Variants in OR2L8 observed in about 807,000 individuals in gnomAD.
OR2L8 encodes olfactory receptor 2L8.
For synonymous variants in OR2L8, 123 were observed against 138.6 expected (o/e 0.89, Z 0.79); for missense variants, 324 against 376.0 (o/e 0.86, Z 1.14).
rs762317056 is a variant in OR2L8 at position 247,949,227 on chromosome 1, G to A, written c.370G>A (p.Ala124Thr). The A allele has an allele frequency of 1.2e-6, 2 of 1,614,196 alleles. No individual in the cohort carries two copies. The highest frequency in any genetic ancestry group is 1.7e-6 in the Non-Finnish European group (2 of 1,180,034). The stretch of plus-strand genomic sequence containing the variant: ...ATCTATGGCCTATGATCGTTACATT[G>A]CTATTTGCTTTCCTCTCCACTATCT... ...LASMAYDRYIAICFPLHYLIR... is the reference protein window; with the variant it reads ...LASMAYDRYITICFPLHYLIR... The change falls in exon 1 of 1, where the codon GCT (alanine) becomes ACT (threonine). Residue 124 changes from alanine (A) to threonine (T), a missense_variant. Coordinates refer to ENST00000623922, the MANE Select transcript of OR2L8 (RefSeq NM_001001963.1).
rs752652236 is a variant in OR2L8 at position 247,949,476 on chromosome 1, G to T, written c.619G>T (p.Val207Leu). Residue 207 changes from valine to leucine, a missense_variant, in exon 1 of 1, where the codon GTG becomes TTG. Physicochemically the swap from Val to Leu is conservative, Grantham distance 32. Transcript: ENST00000623922. ...TVFLSATIFL[V>L]FPFIGISCSY... ...GTTTTTGAGTGCCACCATCTTTCTC[G>T]TGTTTCCCTTCATTGGTATTTCATG... 6 of 1,609,486 alleles carry T rather than the reference G, an allele frequency of 3.7e-6. No homozygotes were observed. Among genetic ancestry groups the T allele is most frequent in the Non-Finnish European group, 5.1e-6 (6 of 1,175,890 alleles).
rs772728010 is a variant in OR2L8 at position 247,949,362 on chromosome 1, C to A, written c.505C>A (p.Arg169=). ...ATATGTACTCCATATTCCTTATTGC[C>A]GATCCAGGGCCATCAATCATTTCTT... is the stretch of plus-strand genomic sequence containing the variant. ...TVYVLHIPYC[R]SRAINHFFCD... is the part of the protein sequence containing the mutation. The change falls in exon 1 of 1, where the codon CGA becomes AGA. Residue 169 remains arginine (R), a synonymous_variant. Coordinates refer to ENST00000623922, the MANE Select transcript of OR2L8 (RefSeq NM_001001963.1). 2.5e-6 allele frequency: 4 copies of A among 1,614,046 alleles called. No individual in the cohort carries two copies. The African/African-American group carries it at 5.3e-5, about 22-fold the overall frequency.
chr1:247,949,459 G>C lies in OR2L8; in HGVS notation c.602G>C (p.Ser201Thr). ...TWVYEGTVFL[S>T]ATIFLVFPFI... Reference sequence around the variant, plus strand: ...GTCTATGAGGGCACAGTGTTTTTGAGTGCCACCATCTTTCTCGTGTTTCCC... The same window carrying C: ...GTCTATGAGGGCACAGTGTTTTTGACTGCCACCATCTTTCTCGTGTTTCCC... The change falls in exon 1 of 1, where the codon AGT (serine) becomes ACT (threonine). Residue 201 changes from serine to threonine, a missense_variant. By Grantham distance (58) the Ser-to-Thr change is moderately conservative. Transcript: ENST00000623922. 2 of 1,597,092 alleles carry C rather than the reference G, an allele frequency of 1.3e-6. No homozygotes were observed. Among genetic ancestry groups the C allele is most frequent in the Non-Finnish European group, 1.7e-6 (2 of 1,165,172 alleles).
In OR2L8 at chr1:247,949,685, C is replaced by T; in HGVS notation, c.828C>T (p.Phe276=). ...CAGAGGACAAGGTTCTGGCTGTCTT[C>T]TACACCATCCTCACCCCAATGCTCA... is the stretch of plus-strand genomic sequence containing the variant. ...SPTEDKVLAV[F]YTILTPMLNP... Residue 276 remains phenylalanine, a synonymous_variant, in exon 1 of 1, where the codon TTC becomes TTT. Coordinates refer to ENST00000623922, the MANE Select transcript of OR2L8 (RefSeq NM_001001963.1). 1 of 1,613,934 alleles carries T rather than the reference C, an allele frequency of 6.2e-7. No individual in the cohort carries two copies. The highest frequency in any genetic ancestry group is 8.5e-7 in the Non-Finnish European group (1 of 1,179,846).
chr1:247,949,625 C>T lies in OR2L8; in HGVS notation c.768C>T (p.Tyr256=), dbSNP rs747438310. ...CTTTCTACTATGCACCTTTTGTCTACACTTATCTACGTCCAAGATCCCTGC... is the reference window on the plus strand; with the variant it reads ...CTTTCTACTATGCACCTTTTGTCTATACTTATCTACGTCCAAGATCCCTGC... ...VVTFYYAPFV[Y]TYLRPRSLRS... is the part of the protein sequence containing the mutation. The change falls in exon 1 of 1, where the codon TAC becomes TAT. Residue 256 remains tyrosine, a synonymous_variant. Coordinates refer to ENST00000623922, the MANE Select transcript of OR2L8 (RefSeq NM_001001963.1). 18 of 1,613,888 alleles carry T rather than the reference C, an allele frequency of 1.1e-5. No individual in the cohort carries two copies. In the South Asian group the frequency reaches 1.9e-4, roughly 17 times the overall value.
chr1:247,949,072 A>G lies in OR2L8; in HGVS notation c.215A>G (p.Tyr72Cys), dbSNP rs1646336675. The G allele has an allele frequency of 1.2e-6, 2 of 1,613,816 alleles. No homozygotes were observed. The highest frequency in any genetic ancestry group is 2.7e-5 in the African/African-American group (2 of 74,902). The change falls in exon 1 of 1, where the codon TAC becomes TGC. Residue 72 changes from tyrosine to cysteine, a missense_variant. Tyr to Cys is a radical substitution (Grantham distance 194). Coordinates refer to ENST00000623922, the MANE Select transcript of OR2L8 (RefSeq NM_001001963.1). ...CAGCTCTCCCTCATTGACCTAAATT[A>G]CATCTCCACCATTGTTCCTAAGATG... ...LSQLSLIDLNYISTIVPKMAS... is the reference protein window; with the variant it reads ...LSQLSLIDLNCISTIVPKMAS...
chr1:247,949,653 T>A lies in OR2L8; in HGVS notation c.796T>A (p.Ser266Thr). ...YTYLRPRSLR[S>T]PTEDKVLAVF... ...TTATCTACGTCCAAGATCCCTGCGA[T>A]CTCCAACAGAGGACAAGGTTCTGGC... The change falls in exon 1 of 1, where the codon TCT (serine) becomes ACT (threonine). Residue 266 changes from serine (S) to threonine (T), a missense_variant. By Grantham distance (58) the Ser-to-Thr change is moderately conservative (BLOSUM62 1). Coordinates refer to ENST00000623922, the MANE Select transcript of OR2L8 (RefSeq NM_001001963.1). 6.2e-7 allele frequency: 1 copy of A among 1,613,934 alleles called. No individual in the cohort carries two copies. Among genetic ancestry groups the A allele is most frequent in the Non-Finnish European group, 8.5e-7 (1 of 1,179,844 alleles).
Position 247,949,321 on chromosome 1 carries a change from C to T in OR2L8, c.464C>T (p.Ala155Val). Residue 155 changes from alanine to valine, a missense_variant, in exon 1 of 1, where the codon GCT (alanine) becomes GTT (valine). Coordinates refer to ENST00000623922, the MANE Select transcript of OR2L8 (RefSeq NM_001001963.1). Reference protein sequence around the residue: ...TGSWIIGSINACAHTVYVLHI... With the variant: ...TGSWIIGSINVCAHTVYVLHI... ...TCTTGGATCATAGGCTCGATCAATGCTTGTGCTCACACTGTATATGTACTC... is the reference window on the plus strand; with the variant it reads ...TCTTGGATCATAGGCTCGATCAATGTTTGTGCTCACACTGTATATGTACTC... 1 of 1,614,182 alleles carries T rather than the reference C, an allele frequency of 6.2e-7. No individual in the cohort carries two copies. The highest frequency in any genetic ancestry group is 8.5e-7 in the Non-Finnish European group (1 of 1,180,024).
Position 247,948,900 on chromosome 1 carries a change from G to C in OR2L8, c.43G>C (p.Gly15Arg). ...NQTSTDFILL[G>R]LFPPSRIDLF... ...AACATCAACTGATTTCATCTTATTG[G>C]GGCTGTTTCCACCATCAAGAATTGA... Residue 15 changes from glycine (G) to arginine (R), a missense_variant, in exon 1 of 1, where the codon GGG becomes CGG. Coordinates refer to ENST00000623922, the MANE Select transcript of OR2L8 (RefSeq NM_001001963.1). 6.2e-7 allele frequency: 1 copy of C among 1,612,898 alleles called. No individual in the cohort carries two copies. The highest frequency in any genetic ancestry group is 8.5e-7 in the Non-Finnish European group (1 of 1,179,376).
At position 247,949,400 on chromosome 1, in the gene OR2L8, A is replaced by G; in HGVS notation, c.543A>G (p.Pro181=). ...TCAATCATTTCTTCTGTGATGTCCC[A>G]GCAATGGTGACTCTGGCCTGCATGG... is the stretch of plus-strand genomic sequence containing the variant. ...RAINHFFCDV[P]AMVTLACMDT... The change falls in exon 1 of 1, where the codon CCA becomes CCG. Residue 181 remains proline, a synonymous_variant. Transcript: ENST00000623922. The G allele has an allele frequency of 3.7e-6, 6 of 1,614,204 alleles. No homozygotes were observed. The highest frequency in any genetic ancestry group is 5.1e-6 in the Non-Finnish European group (6 of 1,180,028).
Position 247,949,342 on chromosome 1 carries a change from T to A in OR2L8, c.485T>A (p.Val162Glu). 1 of 1,614,218 alleles carries A rather than the reference T, an allele frequency of 6.2e-7. No homozygotes were observed. The highest frequency in any genetic ancestry group is 8.5e-7 in the Non-Finnish European group (1 of 1,180,012). Residue 162 changes from valine to glutamate, a missense_variant, in exon 1 of 1, where the codon GTA becomes GAA. Val to Glu is a moderately radical substitution (Grantham distance 121, BLOSUM62 -2). Transcript: ENST00000623922. ...SINACAHTVY[V>E]LHIPYCRSRA... Reference sequence around the variant, plus strand: ...AATGCTTGTGCTCACACTGTATATGTACTCCATATTCCTTATTGCCGATCC... The same window carrying A: ...AATGCTTGTGCTCACACTGTATATGAACTCCATATTCCTTATTGCCGATCC...
At position 247,949,086 on chromosome 1, in the gene OR2L8, G is replaced by T; in HGVS notation, c.229G>T (p.Val77Phe). The T allele has an allele frequency of 6.2e-7, 1 of 1,613,862 alleles. No individual in the cohort carries two copies. The highest frequency in any genetic ancestry group is 8.5e-7 in the Non-Finnish European group (1 of 1,179,852). Residue 77 changes from valine to phenylalanine, a missense_variant, in exon 1 of 1, where the codon GTT becomes TTT. By Grantham distance (50) the Val-to-Phe change is conservative. Coordinates refer to ENST00000623922, the MANE Select transcript of OR2L8 (RefSeq NM_001001963.1). The stretch of plus-strand genomic sequence containing the variant: ...TGACCTAAATTACATCTCCACCATT[G>T]TTCCTAAGATGGCATCTGATTTTCT... ...LIDLNYISTI[V>F]PKMASDFLHG...
At position 247,949,761 on chromosome 1, in the gene OR2L8, C is replaced by T. The variant is rs373292019; in HGVS notation, c.904C>T (p.Arg302Ter). 1.6e-5 allele frequency: 25 copies of T among 1,612,240 alleles called. No homozygotes were observed. The highest frequency in any genetic ancestry group is 3.3e-5 in the Admixed American group (2 of 59,770). ...CAAGGAGGTGATGGGGGCCCTGACA[C>T]GAGTGAGTCAGAGAATCTGCTCTGT... ...RNKEVMGALT[R>*]VSQRICSVKM The change falls in exon 1 of 1, where the codon CGA becomes TGA. Residue 302 changes from arginine (R) to a stop codon, truncating the protein, a stop_gained. Transcript: ENST00000623922. LOFTEE classifies it low-confidence loss of function (END_TRUNC).
chr1:247,949,154 G>A lies in OR2L8; in HGVS notation c.297G>A (p.Gln99=). The part of the protein sequence containing the change: ...KSISFTGCGI[Q]SFFFLALGGA... Reference sequence around the variant, plus strand: ...TCTCCTTCACTGGGTGTGGGATTCAGAGTTTCTTCTTCTTGGCATTAGGAG... The same window carrying A: ...TCTCCTTCACTGGGTGTGGGATTCAAAGTTTCTTCTTCTTGGCATTAGGAG... The change falls in exon 1 of 1, where the codon CAG becomes CAA. Residue 99 remains glutamine, a synonymous_variant. Coordinates refer to ENST00000623922, the MANE Select transcript of OR2L8 (RefSeq NM_001001963.1). 2.5e-6 allele frequency: 4 copies of A among 1,614,088 alleles called. No homozygotes were observed. Among genetic ancestry groups the A allele is most frequent in the Non-Finnish European group, 3.4e-6 (4 of 1,179,978 alleles).
Position 247,949,306 on chromosome 1 carries a change from T to C in OR2L8, c.449T>C (p.Ile150Thr), listed in dbSNP as rs766968318. The C allele has an allele frequency of 8.1e-6, 13 of 1,614,064 alleles. No individual in the cohort carries two copies. In the African/African-American group the frequency reaches 1.6e-4, roughly 20 times the overall value. The part of the protein sequence containing the change: ...CVLMITGSWI[I>T]GSINACAHTV... Reference sequence around the variant, plus strand: ...CTGATGATAACAGGGTCTTGGATCATAGGCTCGATCAATGCTTGTGCTCAC... The same window carrying C: ...CTGATGATAACAGGGTCTTGGATCACAGGCTCGATCAATGCTTGTGCTCAC... The change falls in exon 1 of 1, where the codon ATA becomes ACA. Residue 150 changes from isoleucine to threonine, a missense_variant. Coordinates refer to ENST00000623922, the MANE Select transcript of OR2L8 (RefSeq NM_001001963.1).
At position 247,949,456 on chromosome 1, in the gene OR2L8, T is replaced by C. The variant is rs772631515; in HGVS notation, c.599T>C (p.Leu200Ser). The change falls in exon 1 of 1, where the codon TTG (leucine) becomes TCG (serine). Residue 200 changes from leucine to serine, a missense_variant. Leu to Ser is a moderately radical substitution (Grantham distance 145). Transcript: ENST00000623922. ...TGGGTCTATGAGGGCACAGTGTTTT[T>C]GAGTGCCACCATCTTTCTCGTGTTT... ...DTWVYEGTVFLSATIFLVFPF... is the reference protein window; with the variant it reads ...DTWVYEGTVFSSATIFLVFPF... 1 of 1,594,732 alleles carries C rather than the reference T, an allele frequency of 6.3e-7. No individual in the cohort carries two copies. The highest frequency in any genetic ancestry group is 1.1e-5 in the South Asian group (1 of 90,460).
rs1435784670 is a variant in OR2L8 at position 247,949,619 on chromosome 1, T to G, written c.762T>G (p.Phe254Leu). ...TAGTAACTTTCTACTATGCACCTTT[T>G]GTCTACACTTATCTACGTCCAAGAT... ...LTVVTFYYAP[F>L]VYTYLRPRSL... The change falls in exon 1 of 1, where the codon TTT becomes TTG. Residue 254 changes from phenylalanine (F) to leucine (L), a missense_variant. Phe to Leu is a conservative substitution (Grantham distance 22). Transcript: ENST00000623922. 4 of 1,614,016 alleles carry G rather than the reference T, an allele frequency of 2.5e-6. No homozygotes were observed. In the East Asian group the frequency reaches 8.9e-5, roughly 36 times the overall value.
chr1:247,949,741 A>T lies in OR2L8; in HGVS notation c.884A>T (p.Glu295Val). ...ATCATCTATAGCCTGAGGAACAAGG[A>T]GGTGATGGGGGCCCTGACACGAGTG... ...NPIIYSLRNK[E>V]VMGALTRVSQ... Residue 295 changes from glutamate to valine, a missense_variant, in exon 1 of 1, where the codon GAG becomes GTG. By Grantham distance (121) the Glu-to-Val change is moderately radical (BLOSUM62 -2). Transcript: ENST00000623922. 1 of 1,613,508 alleles carries T rather than the reference A, an allele frequency of 6.2e-7. No individual in the cohort carries two copies. The highest frequency in any genetic ancestry group is 2.2e-5 in the East Asian group (1 of 44,884).
rs1427639545 is a variant in OR2L8, at chr1:247,949,518, C to T, written c.661C>T (p.Leu221Phe). The T allele has an allele frequency of 2.5e-6, 4 of 1,614,062 alleles. No individual in the cohort carries two copies. The South Asian group carries it at 3.3e-5, about 13-fold the overall frequency. The change falls in exon 1 of 1, where the codon CTC becomes TTC. Residue 221 changes from leucine to phenylalanine, a missense_variant. By Grantham distance (22) the Leu-to-Phe change is conservative. Transcript: ENST00000623922. ...TATTTCATGTTCCTATGGCCAGGTT[C>T]TCTTTGCTGTCTACCACATGAAATC... The part of the protein sequence containing the change: ...IGISCSYGQV[L>F]FAVYHMKSAE...
Sources: allele counts gnomAD v4.1 joint callset, GRCh38; gene constraint gnomAD v4.1.1; transcripts MANE v1.5; gene names NCBI Gene and HGNC (gene_info 2026-07-23, HGNC 2026-07-21).